Variants in PALMD observed in about 807,000 individuals in gnomAD.
PALMD encodes paralemmin-like protein.
A neutral mutation model predicts 56.2 loss-of-function variants in PALMD; 42 were observed. That is an observed-to-expected ratio of 0.75 (90% CI 0.58 to 0.97). The LOEUF (loss-of-function observed/expected upper bound fraction) is 0.97. Ranked by LOEUF, PALMD falls within the 50% of genes least tolerant of loss-of-function variation. The pLI, the probability that PALMD is intolerant of heterozygous loss-of-function variation, is 0.00. For synonymous variants in PALMD, 242 were observed against 222.9 expected (o/e 1.09, Z -0.76); for missense variants, 660 against 643.8 (o/e 1.03, Z -0.27).
chr1:99,675,899 C>T (rs963096521), intron 3 of PALMD, among the ~76,000 whole-genome samples: 1 of 152,092 alleles, frequency 6.6e-6, no homozygotes, highest in Non-Finnish European at 1.5e-5. Context: ...ATCATCTGCC[C>T]ATAAGATAAT....
chr1:99,680,781 T>C (rs929293230), intron 3 of PALMD, among the ~76,000 whole-genome samples: 11 of 152,014 alleles, frequency 7.2e-5, no homozygotes, highest in African/African-American at 2.7e-4. Context: ...TAAACACACA[T>C]ACATACACAT....
intron 2 of PALMD, among the ~76,000 whole-genome samples, chr1:99,665,845 T>G (rs1252670787): frequency 3.9e-5 from 6 of 152,200 alleles, no homozygotes; most frequent in African/African-American, 1.4e-4. Context: ...TCTTAGCATC[T>G]TTGACCCCAG....
At chr1:99,663,003 A>G (rs1652881881) in intron 2 of PALMD, among the ~76,000 whole-genome samples, 1 of 152,152 alleles carries the variant, frequency 6.6e-6, no homozygotes, top group Admixed American at 6.5e-5. Context: ...TCAACATTTT[A>G]TTACTTAGCT....
intron 2 of PALMD, among the ~76,000 whole-genome samples, chr1:99,664,449 A>C (rs1652916793): frequency 6.6e-6 from 1 of 152,180 alleles, no homozygotes; most frequent in Non-Finnish European, 1.5e-5. Flanking sequence ...TAAGAATATA[A>C]AACAAGTGAA....
chr1:99,687,290 C>G, intron 6 of PALMD, 101 bp downstream of exon 6: 1 of 1,293,554 alleles, frequency 7.7e-7, no homozygotes, highest in Non-Finnish European at 1.0e-6. Flanking sequence ...CCAGGTTAAG[C>G]AATGGTTCAC....
chr1:99,666,014 C>T (rs910687636), intron 2 of PALMD, among the ~76,000 whole-genome samples: 5 of 152,100 alleles, frequency 3.3e-5, no homozygotes, highest in Non-Finnish European at 5.9e-5. Context: ...TGATGTATAT[C>T]GTCCACATGC....
intron 3 of PALMD, among the ~76,000 whole-genome samples, chr1:99,673,706 T>G (rs1001951998): frequency 6.6e-6 from 1 of 152,050 alleles, no homozygotes; most frequent in Non-Finnish European, 1.5e-5. Flanking sequence ...TTCAGGAGCT[T>G]CACTTTTAAC....
At chr1:99,688,244 C>G (rs562922687) in intron 6 of PALMD, among the ~76,000 whole-genome samples, 1 of 152,266 alleles carries the variant, frequency 6.6e-6, no homozygotes, top group South Asian at 2.1e-4. Context: ...TAAACAGCCT[C>G]TCCACTGTGA....
chr1:99,693,674 TCAGAAATGTATGTAAAA>T (rs1401989897), intron 7 of PALMD, among the ~76,000 whole-genome samples: 1 of 152,184 alleles, frequency 6.6e-6, no homozygotes, highest in African/African-American at 2.4e-5. Context: ...AGTACATAAC[TCAGAAATGTATGTAAAA>T]CAGTCATCAA....
At chr1:99,667,511 G>A (rs1652992986) in intron 2 of PALMD, 131 bp from the exon 3 acceptor site, 5 of 766,368 alleles carry the variant, frequency 6.5e-6, no homozygotes, top group South Asian at 1.7e-5. Context: ...ATTTATTCAG[G>A]CAAGGCACTG....
Position 99,646,347 on chromosome 1 carries a change from A to T in PALMD, c.30A>T (p.Arg10Ser). 3 of 1,612,528 alleles carry T rather than the reference A, an allele frequency of 1.9e-6. No individual in the cohort carries two copies. The highest frequency in any genetic ancestry group is 2.5e-6 in the Non-Finnish European group (3 of 1,178,728). Reference protein sequence around the residue: MEEAELVKGRLQAITDKRKI... With the variant: MEEAELVKGSLQAITDKRKI... ...AAGAAGCTGAGCTGGTGAAGGGAAG[A>T]CTCCAGGCCATCACAGTAAGTCTGC... Residue 10 changes from arginine (R) to serine (S), a missense_variant, in exon 1 of 8, where the codon AGA (arginine) becomes AGT (serine). Transcript: ENST00000263174.
At chr1:99,691,082 T>C (rs2100878242) in intron 7 of PALMD, among the ~76,000 whole-genome samples, 1 of 152,274 alleles carries the variant, frequency 6.6e-6, no homozygotes, top group Non-Finnish European at 1.5e-5. Flanking sequence ...ACTTCCTCAA[T>C]CAGAGTTGAG....
intron 1 of PALMD, among the ~76,000 whole-genome samples, 192 bp downstream of exon 1, chr1:99,646,554 C>T (rs1417559290): frequency 6.6e-6 from 1 of 152,208 alleles, no homozygotes; most frequent in Admixed American, 6.5e-5. Flanking sequence ...GAGTGCAGGG[C>T]AAACGTTCTT....
intron 1 of PALMD, among the ~76,000 whole-genome samples, chr1:99,650,051 G>C (rs1485161126): frequency 6.6e-6 from 1 of 152,124 alleles, no homozygotes; most frequent in East Asian, 1.9e-4. Context: ...GAGGAGTGGG[G>C]ATGGGAGTGC....
chr1:99,662,279 A>T, intron 1 of PALMD, 40 bp from the exon 2 acceptor site: 1 of 1,109,490 alleles, frequency 9.0e-7, no homozygotes. Context: ...TAATTAAGCA[A>T]ATTTTAAAAA....
At chr1:99,691,477 A>G (rs989025865) in intron 7 of PALMD, among the ~76,000 whole-genome samples, 2 of 152,188 alleles carry the variant, frequency 1.3e-5, no homozygotes, top group African/African-American at 4.8e-5. Flanking sequence ...GTTCTGTATT[A>G]TCAATCAAAG....
intron 3 of PALMD, among the ~76,000 whole-genome samples, chr1:99,678,547 G>T (rs1014640010): frequency 6.6e-6 from 1 of 152,114 alleles, no homozygotes; most frequent in Non-Finnish European, 1.5e-5. Flanking sequence ...GCTTGGAGGG[G>T]TTAAATGATT....
At chr1:99,646,467 C>A (rs1652446534) in intron 1 of PALMD, 105 bp downstream of exon 1, 2 of 837,912 alleles carry the variant, frequency 2.4e-6, no homozygotes, top group African/African-American at 1.7e-5. Flanking sequence ...AAAAACAGAA[C>A]TGTCAGCCTT....
intron 3 of PALMD, among the ~76,000 whole-genome samples, chr1:99,681,835 C>T (rs11585114): frequency 0.42 from 63,697 of 152,028 alleles, 14,937 homozygotes; most frequent in Non-Finnish European, 0.53. Flanking sequence ...CCCCAGGGAA[C>T]AAAATCGCCT....
Sources: gnomAD v4.1 joint callset for allele counts (sites outside exome capture counted in the v4.1 genomes callset) on GRCh38, gnomAD v4.1.1 for gene constraint, MANE v1.5 for transcripts, NCBI Gene and HGNC (gene_info 2026-07-23, HGNC 2026-07-21) for gene names.